Variants in OR8B3 observed in about 807,000 individuals in gnomAD.
OR8B3 encodes the protein olfactory receptor family 8 subfamily B member 3, also known as olfactory receptor 8B3.
For synonymous variants in OR8B3, 102 were observed against 135.4 expected (o/e 0.75, Z 1.71); for missense variants, 278 against 377.6 (o/e 0.74, Z 2.19).
chr11:124,405,735 C>G, the OR8B3 span, among the ~76,000 whole-genome samples: 1 of 152,208 alleles, frequency 6.6e-6, no homozygotes, highest in Non-Finnish European at 1.5e-5. Flanking sequence ...ATTTGTTTCA[C>G]GCCCTACAGC....
chr11:124,409,116 A>AGT, the OR8B3 span, among the ~76,000 whole-genome samples: 28 of 152,188 alleles, frequency 1.8e-4, no homozygotes, highest in Non-Finnish European at 4.0e-4. Flanking sequence ...GGACTTTCCC[A>AGT]TTAAATGAAC....
At chr11:124,405,045 GT>G in the OR8B3 span, 3 of 152,180 alleles carry the variant, frequency 2.0e-5, no homozygotes, top group Non-Finnish European at 2.9e-5. Flanking sequence ...GGCAGCGGGA[GT>G]TTGTTAATCT....
upstream of OR8B3, among the ~76,000 whole-genome samples, chr11:124,400,514 TG>T (rs1034172380): frequency 3.3e-5 from 5 of 152,102 alleles, no homozygotes; most frequent in African/African-American, 9.7e-5. Context: ...ACAACCATTT[TG>T]TTTTTTTTCT....
the OR8B3 span, chr11:124,404,365 T>C: frequency 6.6e-6 from 1 of 152,138 alleles, no homozygotes; most frequent in East Asian, 1.9e-4. Flanking sequence ...CTTGAACCAT[T>C]TGAGAAGTAG....
chr11:124,404,019 A>G (rs1477780453), upstream of OR8B3, among the ~76,000 whole-genome samples: 1 of 152,192 alleles, frequency 6.6e-6, no homozygotes, highest in Non-Finnish European at 1.5e-5. Context: ...AGGCTGAGGC[A>G]GGAGAATCAG....
At chr11:124,408,916 A>G in the OR8B3 span, among the ~76,000 whole-genome samples, 1 of 152,146 alleles carries the variant, frequency 6.6e-6, no homozygotes, top group Non-Finnish European at 1.5e-5. Flanking sequence ...CTGCAGAACA[A>G]CCTCTGAGCT....
upstream of OR8B3, among the ~76,000 whole-genome samples, chr11:124,400,463 T>G (rs1860976187): frequency 6.6e-6 from 1 of 152,138 alleles, no homozygotes; most frequent in South Asian, 2.1e-4. Flanking sequence ...CTTTGCACCC[T>G]TTGACCAACA....
upstream of OR8B3, among the ~76,000 whole-genome samples, chr11:124,403,485 C>T (rs867133521): frequency 1.3e-4 from 19 of 149,544 alleles, no homozygotes; most frequent in South Asian, 2.6e-3. Context: ...GGGTCGCGGC[C>T]GGGCAGAGGC....
chr11:124,408,537 G>T, the OR8B3 span, among the ~76,000 whole-genome samples: 1 of 152,166 alleles, frequency 6.6e-6, no homozygotes, highest in South Asian at 2.1e-4. Flanking sequence ...GCAGAATGGG[G>T]TCTTCTTGTC....
chr11:124,404,928 T>C, the OR8B3 span: 1 of 152,186 alleles, frequency 6.6e-6, no homozygotes, highest in African/African-American at 2.4e-5. Flanking sequence ...CAATGAAGGA[T>C]AGCGTGAAGA....
the OR8B3 span, among the ~76,000 whole-genome samples, chr11:124,409,012 A>G: frequency 6.6e-6 from 1 of 152,212 alleles, no homozygotes; most frequent in South Asian, 2.1e-4. Flanking sequence ...GCTGTCTATT[A>G]CCACTGGCTC....
At chr11:124,401,917 C>T (rs559163517), upstream of OR8B3, among the ~76,000 whole-genome samples, 6 of 152,330 alleles carry the variant, frequency 3.9e-5, no homozygotes, top group South Asian at 1.2e-3. Context: ...CTCTTGTCCA[C>T]AATGGTCTCT....
chr11:124,404,218 C>T, the OR8B3 span: 1 of 152,154 alleles, frequency 6.6e-6, no homozygotes, highest in Non-Finnish European at 1.5e-5. Flanking sequence ...GGTATAAATA[C>T]GTTCTATAGC....
the OR8B3 span, chr11:124,404,666 C>G: frequency 6.6e-6 from 1 of 152,162 alleles, no homozygotes; most frequent in Non-Finnish European, 1.5e-5. Flanking sequence ...TCCTGTTTAT[C>G]CCATTCTAAA....
upstream of OR8B3, among the ~76,000 whole-genome samples, chr11:124,402,396 T>G (rs1266106282): frequency 6.6e-6 from 1 of 152,240 alleles, no homozygotes; most frequent in East Asian, 1.9e-4. Flanking sequence ...AAATTATAGC[T>G]TTAATTTTAA....
chr11:124,398,074 A>T (rs1860920915), intron 1 of OR8B3, among the ~76,000 whole-genome samples: 1 of 152,192 alleles, frequency 6.6e-6, no homozygotes, highest in South Asian at 2.1e-4. Flanking sequence ...GTAAGGGAGG[A>T]TTCCTTTAGG....
chr11:124,399,176 A>G (rs1305864132), upstream of OR8B3, among the ~76,000 whole-genome samples: 1 of 152,228 alleles, frequency 6.6e-6, no homozygotes, highest in African/African-American at 2.4e-5. Flanking sequence ...GCTCTCATGT[A>G]TAAAGATGTA....
In OR8B3 at chr11:124,397,347, A is replaced by T. The variant is rs1209838165; in HGVS notation, c.5T>A (p.Leu2Gln). The change falls in exon 2 of 2, where the codon CTG becomes CAG. Residue 2 changes from leucine to glutamine, a missense_variant. Transcript: ENST00000641139. ...AGTCACTAAGGAGTTGTTTCTAGCC[A>T]GCATTTTTTGTCTTCAAAAATCTGG... M[L>Q]ARNNSLVTEF... 1 of 1,354,952 alleles carries T rather than the reference A, an allele frequency of 7.4e-7. No homozygotes were observed. The highest frequency in any genetic ancestry group is 1.0e-6 in the Non-Finnish European group (1 of 988,182). The allele number at this position is 1,354,952 out of a possible 1,614,324, so 83.9% of individuals were successfully genotyped here.
rs758447890 is a variant in OR8B3 at position 124,397,169 on chromosome 11, A to G, written c.183T>C (p.Tyr61=). Residue 61 remains tyrosine (Y), a synonymous_variant, in exon 2 of 2, where the codon TAT becomes TAC. Transcript: ENST00000641139. The part of the protein sequence containing the change: ...LNSHLHTPMY[Y]FLFNLSFIDL... The stretch of plus-strand genomic sequence containing the variant: ...CAATGAAGGAGAGATTGAAGAGGAA[A>G]TAGTACATTGGTGTGTGGAGGTGAG... 2 of 1,612,648 alleles carry G rather than the reference A, an allele frequency of 1.2e-6. No individual in the cohort carries two copies. Among genetic ancestry groups the G allele is most frequent in the East Asian group, 4.5e-5 (2 of 44,872 alleles).
Sources: allele counts gnomAD v4.1 joint callset (sites outside exome capture counted in the v4.1 genomes callset), GRCh38; gene constraint gnomAD v4.1.1; transcripts MANE v1.5; gene names NCBI Gene and HGNC (gene_info 2026-07-23, HGNC 2026-07-21).